The following ZSWIM6 variants were observed in gnomAD, a reference collection of about 807,000 sequenced individuals.
ZSWIM6 encodes zinc finger SWIM-type containing 6.
In ZSWIM6, 9 loss-of-function variants were observed where a neutral mutation model predicts 113.2. The observed-to-expected ratio is 0.08, with a 90% CI of 0.05 to 0.14. The LOEUF (loss-of-function observed/expected upper bound fraction) is 0.14. ZSWIM6 is among the 10% of genes least tolerant of loss of function. The probability of loss-of-function intolerance (pLI) is 1.00; values close to 1 mark genes in which losing one functional copy is unlikely to be tolerated. For synonymous variants in ZSWIM6, 611 were observed against 606.5 expected (o/e 1.01, Z -0.11); for missense variants, 1,162 against 1,552.2 (o/e 0.75, Z 4.22).
At chr5:61,511,761 G>T (rs1748793939) in intron 4 of ZSWIM6, among the ~76,000 whole-genome samples, 1 of 152,050 alleles carries the variant, frequency 6.6e-6, no homozygotes, top group African/African-American at 2.4e-5. Context: ...CAAATTTATG[G>T]TATTTTTGTT....
rs187802224 is a variant in ZSWIM6, at chr5:61,465,823, A to C, written c.677-6858A>C. On this transcript the variant is annotated intron_variant, in intron 1 of 13. Transcript: ENST00000252744. ...AGTTCTAAATAGGCATTTTTAAGGT[A>C]GTCTTAAAATAAAGCTTTTCCTTTA... Among the ~76,000 whole-genome samples, 52 of 152,342 alleles carry C rather than the reference A, an allele frequency of 3.4e-4. No homozygotes were observed. The East Asian group carries it at 9.8e-3, about 29-fold the overall frequency.
At chr5:61,535,762 T>C in intron 10 of ZSWIM6, 143 bp downstream of exon 10, 1 of 1,092,430 alleles carries the variant, frequency 9.2e-7, no homozygotes, top group South Asian at 1.6e-5. Context: ...TGTATTGTTG[T>C]GGAGGTGATT....
At chr5:61,393,268 G>A (rs1238785884) in intron 1 of ZSWIM6, among the ~76,000 whole-genome samples, 2 of 150,880 alleles carry the variant, frequency 1.3e-5, no homozygotes, top group Admixed American at 6.6e-5. Context: ...GGCTGGTCTT[G>A]AACTCCTGAC....
chr5:61,429,408 A>C (rs1189736057), intron 1 of ZSWIM6, among the ~76,000 whole-genome samples: 1 of 152,232 alleles, frequency 6.6e-6, no homozygotes, highest in Non-Finnish European at 1.5e-5. Context: ...GGAATGAAGA[A>C]GAGGCAGTAG....
In ZSWIM6 at chr5:61,418,537, G is replaced by C. The variant is rs190482880; in HGVS notation, c.677-54144G>C. 2.2e-3 allele frequency among the ~76,000 whole-genome samples: 337 copies of C among 152,190 alleles called. 1 individual carries two copies. The highest frequency in any genetic ancestry group is 3.8e-3 in the Non-Finnish European group (257 of 67,998). On this transcript the variant is annotated intron_variant, in intron 1 of 13. Coordinates refer to ENST00000252744, the MANE Select transcript of ZSWIM6 (RefSeq NM_020928.2). ...GCCTCCCAAAGTGCCGGGATTACAG[G>C]TGTGAGCCACTGTGCCCGGCCTACT...
At chr5:61,345,673 T>C (rs1267487689) in intron 1 of ZSWIM6, among the ~76,000 whole-genome samples, 1 of 152,184 alleles carries the variant, frequency 6.6e-6, no homozygotes, top group African/African-American at 2.4e-5. Context: ...TGAGTAGTGG[T>C]GTAATGTTCT....
chr5:61,481,976 A>G lies in ZSWIM6; in HGVS notation c.1034-8810A>G. ...GTAAAAACATGATAGACTTTAAAAC[A>G]TTTTAATGGACCATTTAATTTACAT... On this transcript the variant is annotated intron_variant, in intron 2 of 13. Transcript: ENST00000252744. 1.3e-5 allele frequency among the ~76,000 whole-genome samples: 2 copies of G among 152,196 alleles called. 1 individual carries two copies. Among genetic ancestry groups the G allele is most frequent in the African/African-American group, 4.8e-5 (2 of 41,468 alleles).
At chr5:61,411,074 C>T (rs933203292) in intron 1 of ZSWIM6, among the ~76,000 whole-genome samples, 2 of 152,198 alleles carry the variant, frequency 1.3e-5, no homozygotes, top group African/African-American at 4.8e-5. Flanking sequence ...CTCTCCATCT[C>T]TCTGCTTGTC....
At chr5:61,441,640 G>C in intron 1 of ZSWIM6, among the ~76,000 whole-genome samples, 1 of 152,278 alleles carries the variant, frequency 6.6e-6, no homozygotes, top group South Asian at 2.1e-4. Context: ...GTAGCCTAGG[G>C]CCAGGTACGG....
chr5:61,519,504 A>G (rs1052477927), intron 4 of ZSWIM6, among the ~76,000 whole-genome samples: 2 of 152,020 alleles, frequency 1.3e-5, no homozygotes, highest in Admixed American at 6.6e-5. Context: ...TCTCTCTCCA[A>G]TCTGCTTGCT....
intron 4 of ZSWIM6, among the ~76,000 whole-genome samples, chr5:61,508,055 T>C (rs1253657107): frequency 6.6e-6 from 1 of 152,180 alleles, no homozygotes; most frequent in Non-Finnish European, 1.5e-5. Flanking sequence ...AATTTTCTAC[T>C]TCTCTCTGCA....
At position 61,530,058 on chromosome 5, in the gene ZSWIM6, C is replaced by G; in HGVS notation, c.1844C>G (p.Pro615Arg). 6.4e-7 allele frequency: 1 copy of G among 1,550,672 alleles called. No homozygotes were observed. The highest frequency in any genetic ancestry group is 8.7e-7 in the Non-Finnish European group (1 of 1,146,350). ...ATTCCCTTTCCTTACACAGAGCTACCCCATAAAAACATAACCTCGATAACC... is the reference window on the plus strand; with the variant it reads ...ATTCCCTTTCCTTACACAGAGCTACGCCATAAAAACATAACCTCGATAACC... ...EMFRTQKKEL[P>R]HKNITSITNL... Residue 615 changes from proline to arginine, a missense_variant, in exon 8 of 14, where the codon CCC becomes CGC. Physicochemically the swap from Pro to Arg is moderately radical, Grantham distance 103 (BLOSUM62 -2). Coordinates refer to ENST00000252744, the MANE Select transcript of ZSWIM6 (RefSeq NM_020928.2).
At chr5:61,481,822 C>T (rs1042645397) in intron 2 of ZSWIM6, among the ~76,000 whole-genome samples, 2 of 152,050 alleles carry the variant, frequency 1.3e-5, no homozygotes, top group Non-Finnish European at 2.9e-5. Context: ...CCAAATTGTT[C>T]TACTTCTTTT....
intron 1 of ZSWIM6, among the ~76,000 whole-genome samples, chr5:61,463,575 A>G (rs748978653): frequency 1.5e-4 from 23 of 152,194 alleles, no homozygotes; most frequent in Non-Finnish European, 3.1e-4. Context: ...TATGTTCCAC[A>G]TGCCAAGAGT....
In ZSWIM6 at chr5:61,494,365, G is replaced by A. The variant is rs1748265622; in HGVS notation, c.1288G>A (p.Gly430Ser). ...TCGCCTGTCACTTTGGCGGCAACAA[G>A]GCACTGCAATGACTGACAAATACAG... ...DPRLSLWRQQ[G>S]TAMTDKYRQL... The change falls in exon 4 of 14, where the codon GGC (glycine) becomes AGC (serine). Residue 430 changes from glycine to serine, a missense_variant. By Grantham distance (56) the Gly-to-Ser change is moderately conservative. Transcript: ENST00000252744. 9 of 1,551,148 alleles carry A rather than the reference G, an allele frequency of 5.8e-6. No homozygotes were observed. Among genetic ancestry groups the A allele is most frequent in the Non-Finnish European group, 7.8e-6 (9 of 1,146,584 alleles).
At chr5:61,365,628 A>G (rs1201912182) in intron 1 of ZSWIM6, among the ~76,000 whole-genome samples, 2 of 152,112 alleles carry the variant, frequency 1.3e-5, no homozygotes, top group East Asian at 3.9e-4. Context: ...TCCATTGAAG[A>G]CTTTGTCTCA....
At chr5:61,348,184 G>A (rs1241285412) in intron 1 of ZSWIM6, among the ~76,000 whole-genome samples, 4 of 152,162 alleles carry the variant, frequency 2.6e-5, no homozygotes, top group Non-Finnish European at 5.9e-5. Context: ...TCATGCCACT[G>A]CCCTCCAGCC....
chr5:61,433,221 T>G (rs1746622329), intron 1 of ZSWIM6, among the ~76,000 whole-genome samples: 1 of 152,202 alleles, frequency 6.6e-6, no homozygotes, highest in African/African-American at 2.4e-5. Flanking sequence ...AAGCAAGACA[T>G]AGAAAATTTC....
At chr5:61,348,818 T>A (rs1052361027) in intron 1 of ZSWIM6, among the ~76,000 whole-genome samples, 3 of 152,200 alleles carry the variant, frequency 2.0e-5, no homozygotes, top group African/African-American at 7.2e-5. Context: ...TTAGATAATC[T>A]GGCTTCCTTT....
Sources: gnomAD v4.1 joint callset for allele counts (sites outside exome capture counted in the v4.1 genomes callset) on GRCh38, gnomAD v4.1.1 for gene constraint, MANE v1.5 for transcripts, NCBI Gene and HGNC (gene_info 2026-07-23, HGNC 2026-07-21) for gene names.